The following KIN variants were observed in gnomAD, a reference collection of about 807,000 sequenced individuals.
KIN encodes DNA/RNA-binding protein KIN17.
Under a neutral mutation model 63.0 loss-of-function variants are expected in KIN, and 47 were observed. That is an observed-to-expected ratio of 0.75 (90% CI 0.59 to 0.95). The LOEUF (loss-of-function observed/expected upper bound fraction) is 0.95. KIN is among the 40% of genes least tolerant of loss of function. The pLI, the probability that KIN is intolerant of heterozygous loss-of-function variation, is 0.00. For synonymous variants in KIN, 160 were observed against 157.7 expected (o/e 1.01, Z -0.11); for missense variants, 408 against 460.9 (o/e 0.89, Z 1.05).
chr10:7,769,790 C>A (rs943329439), intron 7 of KIN, among the ~76,000 whole-genome samples: 5 of 152,120 alleles, frequency 3.3e-5, no homozygotes, highest in African/African-American at 1.2e-4. Flanking sequence ...AACTCTTAAC[C>A]CAAATGCAAG....
rs371796073 is a variant in KIN, at chr10:7,774,865, A to G, written c.634T>C (p.Cys212Arg). 1 of 1,613,164 alleles carries G rather than the reference A, an allele frequency of 6.2e-7. No homozygotes were observed. Among genetic ancestry groups the G allele is most frequent in the African/African-American group, 1.3e-5 (1 of 75,050 alleles). Residue 212 changes from cysteine (C) to arginine (R), a missense_variant, in exon 7 of 13, where the codon TGT (cysteine) becomes CGT (arginine). Around this residue, in one of 2 missense-constraint regions of KIN, gnomAD observed 298 missense variants for 296.0 expected, o/e 1.01. Transcript: ENST00000379562. The part of the protein sequence containing the change: ...KVTFNLSKGA[C>R]SSSGATSSKS... ...GAAGATGTTGCTCCGGATGAGCTAC[A>G]TGCTCCTTTACTCAAATTAAACGTG...
chr10:7,778,770 A>G, intron 5 of KIN, 68 bp downstream of exon 5: 4 of 1,503,014 alleles, frequency 2.7e-6, no homozygotes, highest in South Asian at 2.4e-5. Context: ...AACAAAAAAG[A>G]AAAACCAAGC....
chr10:7,774,732 A>G, intron 7 of KIN, 99 bp downstream of exon 7: 2 of 984,948 alleles, frequency 2.0e-6, no homozygotes, highest in Non-Finnish European at 3.1e-6. Flanking sequence ...GGTGAAAACT[A>G]CAACTAGAAA....
In KIN at chr10:7,766,083, TC is replaced by T. The variant is rs752803999; in HGVS notation, c.818del (p.Arg273LysfsTer15). On this transcript the variant is annotated frameshift_variant, in exon 9 of 13. Transcript: ENST00000379562. LOFTEE classifies it high-confidence loss of function. Reference protein sequence around the residue: ...EIMEIEEEKKRTARTDYWLQP... With the variant: ...EIMEIEEEKKXTARTDYWLQP... ...GTAGCCAGTAGTCTGTTCGGGCAGT[TC>T]TTTTCTTTTCCTCTTCAATCTGTAG... 6.2e-6 allele frequency: 10 copies of T among 1,610,896 alleles called. No individual in the cohort carries two copies. Among genetic ancestry groups the T allele is most frequent in the Non-Finnish European group, 8.5e-6 (10 of 1,178,000 alleles).
At position 7,778,891 on chromosome 10, in the gene KIN, T is replaced by C. The variant is rs770074660; in HGVS notation, c.505A>G (p.Thr169Ala). Reference sequence around the variant, plus strand: ...ACTTGCTCTTCAATAAATTTGGCAGTTTTTTCTTCATCATCAAGGTCCTGC... The same window carrying C: ...ACTTGCTCTTCAATAAATTTGGCAGCTTTTTCTTCATCATCAAGGTCCTGC... The part of the protein sequence containing the change: ...KKQDLDDEEK[T>A]AKFIEEQVRR... The change falls in exon 5 of 13, where the codon ACT becomes GCT. Residue 169 changes from threonine (T) to alanine (A), a missense_variant. Thr to Ala is a moderately conservative substitution (Grantham distance 58). This residue lies in a region of KIN where 298 missense variants were observed against 296.0 expected (regional missense o/e 1.01). Transcript: ENST00000379562. The C allele has an allele frequency of 1.2e-5, 19 of 1,614,006 alleles. No homozygotes were observed. The East Asian group carries it at 3.8e-4, about 32-fold the overall frequency.
At chr10:7,770,561 G>A (rs574543871) in intron 7 of KIN, among the ~76,000 whole-genome samples, 5 of 152,106 alleles carry the variant, frequency 3.3e-5, no homozygotes, top group African/African-American at 1.2e-4. Flanking sequence ...TTGTATGTAC[G>A]ACTCCTCTCT....
chr10:7,775,258 A>T (rs1835746672), intron 6 of KIN, among the ~76,000 whole-genome samples: 1 of 152,224 alleles, frequency 6.6e-6, no homozygotes, highest in Non-Finnish European at 1.5e-5. Flanking sequence ...AATCCAATCA[A>T]CATAATCCCA....
At chr10:7,769,083 T>C (rs1835612362) in intron 8 of KIN, 133 bp downstream of exon 8, 3 of 699,352 alleles carry the variant, frequency 4.3e-6, no homozygotes, top group African/African-American at 3.6e-5. Flanking sequence ...TTCGGGGAAC[T>C]GTATGTAGCT....
chr10:7,761,474 C>G (rs1437260589), intron 11 of KIN: 1 of 152,108 alleles, frequency 6.6e-6, no homozygotes, highest in African/African-American at 2.4e-5. Context: ...CAAAATAACA[C>G]AGACTTTCAC....
chr10:7,753,135 A>G lies in KIN; in HGVS notation c.*2945T>C, dbSNP rs1835269203. The stretch of plus-strand genomic sequence containing the variant: ...GACCTGTTGTTAGTTATCTGCAGTC[A>G]TTTTGCTTAGCATAAACTCTATCAA... On this transcript the variant is annotated 3_prime_UTR_variant, in exon 13 of 13. Transcript: ENST00000379562. 1 of 152,198 alleles carries G rather than the reference A, an allele frequency of 6.6e-6. No homozygotes were observed. The highest frequency in any genetic ancestry group is 2.1e-4 in the South Asian group (1 of 4,832). The allele number at this position is 152,198 out of a possible 1,614,324, so 9.4% of individuals were successfully genotyped here. A position where few individuals can be genotyped will look rare whatever the true frequency, so the allele number is the denominator to read the frequency against.
intron 11 of KIN, 23 bp from the exon 12 acceptor site, chr10:7,760,013 A>C: frequency 8.9e-7 from 1 of 1,123,626 alleles, no homozygotes; most frequent in South Asian, 1.4e-5. Context: ...AGAATATAAA[A>C]ATTAATGTGA....
chr10:7,774,582 C>G (rs1445998615), intron 7 of KIN, among the ~76,000 whole-genome samples: 1 of 151,554 alleles, frequency 6.6e-6, no homozygotes, highest in East Asian at 1.9e-4. Context: ...GCTATTGATA[C>G]CTGGGAGGCT....
Position 7,754,851 on chromosome 10 carries a change from C to G in KIN, c.*1229G>C, listed in dbSNP as rs1237286692. ...TTTCAGTCATGTGCACTACAAATAT[C>G]CCTTCGTTTTTCCTTTGGCACAGGC... On this transcript the variant is annotated 3_prime_UTR_variant, in exon 13 of 13. Transcript: ENST00000379562. 10 of 152,212 alleles carry G rather than the reference C, an allele frequency of 6.6e-5. No individual in the cohort carries two copies. 9.4% of individuals were successfully genotyped at this position (152,212 alleles called of 1,614,324 possible).
At chr10:7,786,599 C>CAA (rs796977812) in intron 1 of KIN, among the ~76,000 whole-genome samples, 4 of 140,222 alleles carry the variant, frequency 2.9e-5, no homozygotes, top group African/African-American at 1.0e-4. Context: ...GACCGTATCT[C>CAA]AAAAAAAAAA....
chr10:7,771,876 C>A (rs915355846), intron 7 of KIN, among the ~76,000 whole-genome samples: 15 of 118,580 alleles, frequency 1.3e-4, no homozygotes, highest in Non-Finnish European at 2.4e-4. Context: ...GCCTGGGCAA[C>A]AAGAGCGAAA....
Position 7,779,026 on chromosome 10 carries a change from A to C in KIN, c.377-7T>G, listed in dbSNP as rs1308112332. ...TCGTCCACTTTGCACAAGCCTTAAAAAAACAGCCACTGCCATAAATTAGCA... is the reference window on the plus strand; with the variant it reads ...TCGTCCACTTTGCACAAGCCTTAAACAAACAGCCACTGCCATAAATTAGCA... On this transcript the variant is annotated splice_region_variant and splice_polypyrimidine_tract_variant and intron_variant, in intron 4 of 12. Transcript: ENST00000379562. The C allele has an allele frequency of 6.2e-7, 1 of 1,601,772 alleles. No homozygotes were observed. Among genetic ancestry groups the C allele is most frequent in the African/African-American group, 1.4e-5 (1 of 74,048 alleles).
chr10:7,755,102 A>G lies in KIN; in HGVS notation c.*978T>C, dbSNP rs1328448715. 1 of 152,214 alleles carries G rather than the reference A, an allele frequency of 6.6e-6. No individual in the cohort carries two copies. The highest frequency in any genetic ancestry group is 2.4e-5 in the African/African-American group (1 of 41,450). 9.4% of individuals were successfully genotyped at this position (152,214 alleles called of 1,614,324 possible). A position where few individuals can be genotyped will look rare whatever the true frequency, so the allele number is the denominator to read the frequency against. On this transcript the variant is annotated 3_prime_UTR_variant, in exon 13 of 13. Coordinates refer to ENST00000379562, the MANE Select transcript of KIN (RefSeq NM_012311.4). Reference sequence around the variant, plus strand: ...TTAAAAACAAATAAAACTATAGTTCAACATTGCTGGTAGGACTGTAAAATG... The same window carrying G: ...TTAAAAACAAATAAAACTATAGTTCGACATTGCTGGTAGGACTGTAAAATG...
At chr10:7,783,252 C>T (rs1220230972) in intron 1 of KIN, 77 bp from the exon 2 acceptor site, 3 of 612,556 alleles carry the variant, frequency 4.9e-6, no homozygotes, top group Admixed American at 3.4e-5. Flanking sequence ...TTAGTTAAAA[C>T]CCAAAAAATC....
At chr10:7,777,053 C>CA (rs60757813) in intron 5 of KIN, among the ~76,000 whole-genome samples, 24,122 of 80,688 alleles carry the variant, frequency 0.3, 4,176 homozygotes, top group Non-Finnish European at 0.38. Context: ...GACAGTCTCT[C>CA]AAAAAAAAAA....
Sources: gnomAD v4.1 joint callset for allele counts (sites outside exome capture counted in the v4.1 genomes callset) on GRCh38, gnomAD v4.1.1 for gene constraint, gnomAD v4.1.1 regional missense constraint, MANE v1.5 for transcripts, NCBI Gene and HGNC (gene_info 2026-07-23, HGNC 2026-07-21) for gene names.